The following TBC1D30 variants were observed in gnomAD, a reference collection of about 807,000 sequenced individuals.
The protein encoded by TBC1D30 is TBC1 domain family member 30, also known as TBC1 domain family, member 30.
Under a neutral mutation model 63.2 loss-of-function variants are expected in TBC1D30, and 31 were observed. The observed-to-expected ratio is 0.49, with a 90% CI of 0.37 to 0.66. TBC1D30 has a LOEUF of 0.66. TBC1D30 is among the 30% of genes least tolerant of loss of function. The pLI, the probability that TBC1D30 is intolerant of heterozygous loss-of-function variation, is 0.00. For missense variants in TBC1D30, 810 were observed against 953.6 expected, an observed-to-expected ratio of 0.85 and a Z score of 1.98; for synonymous variants, 307 against 361.5, an observed-to-expected ratio of 0.85 and a Z score of 1.71.
At chr12:64,784,756 GC>G (rs781769386) in intron 1 of TBC1D30, among the ~76,000 whole-genome samples, 13 of 152,010 alleles carry the variant, frequency 8.6e-5, no homozygotes, top group Non-Finnish European at 1.5e-4. Context: ...TGCATGTGGG[GC>G]TTAAAACCTA....
At chr12:64,834,947 C>T (rs989174629) in intron 5 of TBC1D30, among the ~76,000 whole-genome samples, 4 of 151,904 alleles carry the variant, frequency 2.6e-5, no homozygotes, top group Admixed American at 2.6e-4. Context: ...AGCATTATGT[C>T]TTATCCTTAG....
At chr12:64,802,741 G>A (rs1420646156) in intron 2 of TBC1D30, among the ~76,000 whole-genome samples, 1 of 152,070 alleles carries the variant, frequency 6.6e-6, no homozygotes, top group African/African-American at 2.4e-5. Context: ...TTAAGAACAT[G>A]TGGTGTTTGG....
chr12:64,787,987 T>C (rs1429712044), intron 2 of TBC1D30, among the ~76,000 whole-genome samples: 2 of 152,116 alleles, frequency 1.3e-5, no homozygotes, highest in Non-Finnish European at 2.9e-5. Flanking sequence ...TGAGCCAAGA[T>C]TGCGCCACTG....
chr12:64,805,186 G>T (rs564411941), intron 2 of TBC1D30, among the ~76,000 whole-genome samples: 1 of 152,260 alleles, frequency 6.6e-6, no homozygotes, highest in African/African-American at 2.4e-5. Flanking sequence ...GGGACACAGA[G>T]AAATTGGGCC....
At chr12:64,862,095 T>G (rs1645885809) in intron 8 of TBC1D30, among the ~76,000 whole-genome samples, 1 of 152,226 alleles carries the variant, frequency 6.6e-6, no homozygotes, top group Admixed American at 6.5e-5. Context: ...ACTAATATGT[T>G]TGAATTCTTT....
At chr12:64,862,869 T>A (rs192034230) in intron 8 of TBC1D30, among the ~76,000 whole-genome samples, 1 of 152,140 alleles carries the variant, frequency 6.6e-6, no homozygotes, top group Non-Finnish European at 1.5e-5. Context: ...ACATTTGATA[T>A]GTGATGGTCA....
chr12:64,865,057 T>C (rs1878103673), intron 9 of TBC1D30, among the ~76,000 whole-genome samples: 1 of 151,856 alleles, frequency 6.6e-6, no homozygotes. Context: ...GTTAAAATAG[T>C]GTGGAACCTG....
intron 10 of TBC1D30, chr12:64,868,681 T>A (rs372462449): frequency 3.5e-6 from 1 of 283,972 alleles, no homozygotes. Flanking sequence ...TTCTTTTTCT[T>A]CTCTTCGACA....
intron 2 of TBC1D30, among the ~76,000 whole-genome samples, chr12:64,790,273 T>C (rs1871843598): frequency 1.3e-5 from 2 of 152,152 alleles, no homozygotes; most frequent in Admixed American, 1.3e-4. Context: ...ATTGAACAAA[T>C]GTAGCTTAGT....
exon 1 of TBC1D30, chr12:64,780,696 C>T: frequency 1.0e-6 from 1 of 956,916 alleles, no homozygotes; most frequent in South Asian, 4.8e-5. Flanking sequence ...CCCGCTGGCG[C>T]CGCGCCCGGG....
chr12:64,836,400 TTATC>T lies in TBC1D30; in HGVS notation c.595-86_595-83del, dbSNP rs1875355555. On this transcript the variant is annotated intron_variant, in intron 5 of 11. Transcript: ENST00000539867. ...ATAGCGTGCTTTGGCTAACAGCGTT[TTATC>T]TATTTGAATACTTATTTTCTCTTTA... 4 of 1,064,550 alleles carry T rather than the reference TTATC, an allele frequency of 3.8e-6. No individual in the cohort carries two copies. The African/African-American group carries it at 4.8e-5, about 13-fold the overall frequency. 65.9% of individuals were successfully genotyped at this position (1,064,550 alleles called of 1,614,324 possible). A position where few individuals can be genotyped will look rare whatever the true frequency, so the allele number is the denominator to read the frequency against.
chr12:64,780,398 A>G (rs989284160), upstream of TBC1D30, among the ~76,000 whole-genome samples: 7 of 152,344 alleles, frequency 4.6e-5, no homozygotes, highest in African/African-American at 1.7e-4. Context: ...ATAAGAGGCA[A>G]GAGTCACCCT....
intron 1 of TBC1D30, among the ~76,000 whole-genome samples, chr12:64,782,748 C>A (rs1871355883): frequency 6.6e-6 from 1 of 152,134 alleles, no homozygotes; most frequent in Non-Finnish European, 1.5e-5. Context: ...CACAACTAAC[C>A]ATCCACAAGC....
intron 2 of TBC1D30, 80 bp downstream of exon 2, chr12:64,827,976 C>T (rs936493201): frequency 4.5e-5 from 44 of 970,560 alleles, no homozygotes; most frequent in East Asian, 8.0e-5. Flanking sequence ...GTGGAAATAA[C>T]GTATTCTTTG....
At position 64,824,903 on chromosome 12, in the gene TBC1D30, G is replaced by A; in HGVS notation, c.24G>A (p.Gly8=). ...GGATGCGGCAGGACAAGCTGACCGG[G>A]TCTCTGAGGCGCGGGGGGAGATGCC... MRQDKLT[G]SLRRGGRCLK... is the part of the protein sequence containing the mutation. Residue 8 remains glycine, a synonymous_variant, in exon 1 of 12, where the codon GGG becomes GGA. Transcript: ENST00000539867. 1 of 1,534,304 alleles carries A rather than the reference G, an allele frequency of 6.5e-7. No homozygotes were observed. The highest frequency in any genetic ancestry group is 1.2e-5 in the South Asian group (1 of 83,904).
intron 2 of TBC1D30, chr12:64,786,157 A>G: frequency 1.4e-6 from 1 of 734,100 alleles, no homozygotes; most frequent in South Asian, 1.8e-5. Flanking sequence ...ATGCAAGCTT[A>G]TACCCTCAGA....
intron 2 of TBC1D30, among the ~76,000 whole-genome samples, chr12:64,818,026 G>C (rs1028906340): frequency 6.8e-6 from 1 of 147,952 alleles, no homozygotes; most frequent in Admixed American, 6.8e-5. Context: ...TCCCTCCACT[G>C]TACTCCAGCC....
At chr12:64,871,485 A>C (rs1260589831) in intron 11 of TBC1D30, among the ~76,000 whole-genome samples, 1 of 152,214 alleles carries the variant, frequency 6.6e-6, no homozygotes, top group Non-Finnish European at 1.5e-5. Context: ...CCTGTCCAGA[A>C]TTAACTGAAA....
intron 2 of TBC1D30, among the ~76,000 whole-genome samples, chr12:64,811,393 A>G (rs1195306590): frequency 6.6e-6 from 1 of 152,212 alleles, no homozygotes. Context: ...TTTTCTCTCT[A>G]TGGAGAGGGT....
Sources: gnomAD v4.1 joint callset for allele counts (sites outside exome capture counted in the v4.1 genomes callset) on GRCh38, gnomAD v4.1.1 for gene constraint, MANE v1.5 for transcripts, NCBI Gene and HGNC (gene_info 2026-07-23, HGNC 2026-07-21) for gene names.